MVB12A: variants seen among roughly 807,000 people sequenced by gnomAD.
MVB12A encodes CIN85/CD2AP family binding protein.
Under a neutral mutation model 34.3 loss-of-function variants are expected in MVB12A, and 30 were observed. The ratio of observed to expected loss-of-function variants is 0.88; its 90% CI spans 0.65 to 1.19. The LOEUF (loss-of-function observed/expected upper bound fraction) is 1.19. MVB12A is among the 50% of genes most tolerant of loss of function. The pLI, the probability that MVB12A is intolerant of heterozygous loss-of-function variation, is 0.00. For missense variants in MVB12A, 355 were observed against 369.2 expected, an observed-to-expected ratio of 0.96 and a Z score of 0.31; for synonymous variants, 158 against 158.9, an observed-to-expected ratio of 0.99 and a Z score of 0.04.
chr19:17,409,213 C>G (rs1005458401), intron 2 of MVB12A, among the ~76,000 whole-genome samples: 4 of 151,264 alleles, frequency 2.6e-5, no homozygotes, highest in African/African-American at 9.7e-5. Flanking sequence ...TCACTGCAAC[C>G]TCTGCCTCCT....
intron 3 of MVB12A, 40 bp downstream of exon 3, chr19:17,420,674 T>A (rs753111063): frequency 6.9e-7 from 1 of 1,454,794 alleles, no homozygotes. Context: ...CCGGGTCCCT[T>A]GCAGGGAGGA....
rs1051473782 is a variant in MVB12A at position 17,422,113 on chromosome 19, C to T, written c.287-219C>T. The T allele has an allele frequency of 3.1e-4, 131 of 423,392 alleles. No individual in the cohort carries two copies. In the East Asian group the frequency reaches 4.9e-3, roughly 16 times the overall value. The allele number at this position is 423,392 out of a possible 1,614,324, so 26.2% of individuals were successfully genotyped here. On this transcript the variant is annotated intron_variant, in intron 3 of 8. Transcript: ENST00000317040. ...ACCCCATGAATGCAGCTTCATATCA[C>T]CAAAGATCAGCCTACTCCAGCGGTT... is the stretch of plus-strand genomic sequence containing the variant.
chr19:17,412,971 C>T (rs930483363), intron 2 of MVB12A: 2 of 151,896 alleles, frequency 1.3e-5, no homozygotes, highest in African/African-American at 4.8e-5. Flanking sequence ...GGTTACGTAT[C>T]TTTGTTTACG....
intron 2 of MVB12A, among the ~76,000 whole-genome samples, chr19:17,408,775 T>G (rs934711917): frequency 1.3e-5 from 2 of 149,918 alleles, no homozygotes; most frequent in Non-Finnish European, 3.0e-5. Context: ...TTTAAATATA[T>G]AATGTATTTT....
intron 2 of MVB12A, among the ~76,000 whole-genome samples, chr19:17,410,508 A>G (rs1291806170): frequency 0.024 from 1,287 of 53,612 alleles, 105 homozygotes; most frequent in African/African-American, 0.074. Context: ...ATATATATAT[A>G]TATATATATA....
intron 2 of MVB12A, among the ~76,000 whole-genome samples, chr19:17,410,495 T>TTTATATATGTG (rs2074757543): frequency 1.8e-5 from 1 of 55,216 alleles, no homozygotes; most frequent in Admixed American, 2.2e-4. Context: ...TGGTTTTAGC[T>TTTATATATGTG]TCATATATAT....
intron 7 of MVB12A, 86 bp from the exon 8 acceptor site, chr19:17,424,535 G>C (rs144132882): frequency 6.6e-6 from 9 of 1,357,730 alleles, no homozygotes; most frequent in South Asian, 3.7e-5. Context: ...GGGAGTGTTG[G>C]GGGGAGGGCA....
chr19:17,405,844 C>T (rs1028540427), intron 1 of MVB12A: 63 of 373,378 alleles, frequency 1.7e-4, no homozygotes, highest in Admixed American at 4.5e-5. Flanking sequence ...ACTGTGGCTG[C>T]CTGGGACACT....
chr19:17,420,806 G>A (rs552705080), intron 3 of MVB12A, 172 bp downstream of exon 3: 1 of 641,740 alleles, frequency 1.6e-6, no homozygotes, highest in South Asian at 1.8e-5. Flanking sequence ...GACATCCCCT[G>A]TCCTGATTCA....
intron 1 of MVB12A, chr19:17,405,890 T>A: frequency 3.6e-6 from 1 of 280,868 alleles, no homozygotes. Context: ...TGTGTGTTAC[T>A]GAGTGCCTAG....
At chr19:17,420,015 G>GCCC (rs201855095), upstream of MVB12A, 82 of 225,150 alleles carry the variant, frequency 3.6e-4, 2 homozygotes, top group African/African-American at 1.7e-3. Flanking sequence ...GGCAATCTCC[G>GCCC]CCCCCCCCCC....
At chr19:17,420,015 G>GCTGGGGCCCCC, upstream of MVB12A, 2 of 221,216 alleles carry the variant, frequency 9.0e-6, no homozygotes, top group Non-Finnish European at 1.4e-5. Context: ...GGCAATCTCC[G>GCTGGGGCCCCC]CCCCCCCCCC....
intron 2 of MVB12A, among the ~76,000 whole-genome samples, chr19:17,406,972 T>G (rs1785810947): frequency 6.6e-6 from 1 of 152,112 alleles, no homozygotes; most frequent in Non-Finnish European, 1.5e-5. Flanking sequence ...CCTGACTTAT[T>G]TGACTAAGCT....
In MVB12A at chr19:17,421,753, C is replaced by T. The variant is rs1357942751; in HGVS notation, c.287-579C>T. 2.0e-5 allele frequency among the ~76,000 whole-genome samples: 3 copies of T among 151,862 alleles called. No individual in the cohort carries two copies. In the East Asian group the frequency reaches 5.9e-4, roughly 30 times the overall value. Reference sequence around the variant, plus strand: ...GGTCAGGAGTTCCAGACCAGCCTGGCCAACATGGTGAAACCCTGTCTCTAC... The same window carrying T: ...GGTCAGGAGTTCCAGACCAGCCTGGTCAACATGGTGAAACCCTGTCTCTAC... On this transcript the variant is annotated intron_variant, in intron 3 of 8. Transcript: ENST00000317040.
intron 2 of MVB12A, among the ~76,000 whole-genome samples, chr19:17,408,391 T>A (rs2074742166): frequency 6.7e-6 from 1 of 149,596 alleles, no homozygotes; most frequent in Admixed American, 6.7e-5. Context: ...AAAATAAATA[T>A]ATATATATAT....
chr19:17,409,182 G>A (rs1356191796), intron 2 of MVB12A, among the ~76,000 whole-genome samples: 1 of 150,078 alleles, frequency 6.7e-6, no homozygotes, highest in Non-Finnish European at 1.5e-5. Flanking sequence ...CCAGGCTGGA[G>A]TGCAGTGGTG....
chr19:17,410,716 G>A lies in MVB12A; in HGVS notation c.-5+4420G>A, dbSNP rs751777808. On this transcript the variant is annotated intron_variant, in intron 2 of 6. Transcript: ENST00000528604. Reference sequence around the variant, plus strand: ...GGCTGAGGCGGGTGGATGACCTGACGTCAGGAGTTCGAGACCAGCCTGGCC... The same window carrying A: ...GGCTGAGGCGGGTGGATGACCTGACATCAGGAGTTCGAGACCAGCCTGGCC... Among the ~76,000 whole-genome samples the A allele has an allele frequency of 1.8e-4, 26 of 146,336 alleles. No individual in the cohort carries two copies. The Middle Eastern group carries it at 0.026, about 144-fold the overall frequency.
upstream of MVB12A, chr19:17,419,418 C>A (rs925007307): frequency 6.6e-6 from 1 of 152,144 alleles, no homozygotes; most frequent in Non-Finnish European, 1.5e-5. Flanking sequence ...GCAATAAATT[C>A]TTTTATACGT....
chr19:17,422,495 C>T (rs1163995277), intron 4 of MVB12A, 37 bp downstream of exon 4: 2 of 1,576,260 alleles, frequency 1.3e-6, no homozygotes, highest in South Asian at 1.2e-5. Context: ...ACCTTCCCTG[C>T]CCTCCCAACT....
Sources: gnomAD v4.1 joint callset for allele counts (sites outside exome capture counted in the v4.1 genomes callset) on GRCh38, gnomAD v4.1.1 for gene constraint, MANE v1.5 for transcripts, NCBI Gene and HGNC (gene_info 2026-07-23, HGNC 2026-07-21) for gene names.